Variants in CFAP54 observed in about 807,000 individuals in gnomAD.
CFAP54 encodes the protein cilia and flagella associated protein 54.
Under a neutral mutation model 370.4 loss-of-function variants are expected in CFAP54, and 290 were observed. That is an observed-to-expected ratio of 0.78 (90% CI 0.71 to 0.86). The LOEUF is 0.86. Ranked by LOEUF, CFAP54 falls within the 40% of genes least tolerant of loss-of-function variation. CFAP54 has a pLI of 0.00. For synonymous variants in CFAP54, 1,206 were observed against 1,236.5 expected (o/e 0.98, Z 0.52); for missense variants, 3,399 against 3,528.7 (o/e 0.96, Z 0.93).
At chr12:96,724,864 G>A (rs941101657) in intron 50 of CFAP54, among the ~76,000 whole-genome samples, 10 of 152,166 alleles carry the variant, frequency 6.6e-5, no homozygotes, top group Non-Finnish European at 1.5e-4. Context: ...AAGGTGTAAG[G>A]AAGGGATCCA....
chr12:96,513,279 G>A (rs966558434), intron 5 of CFAP54, among the ~76,000 whole-genome samples: 7 of 152,172 alleles, frequency 4.6e-5, no homozygotes, highest in Non-Finnish European at 8.8e-5. Flanking sequence ...GAAAATGTTA[G>A]TATTCTCTGT....
intron 26 of CFAP54, among the ~76,000 whole-genome samples, chr12:96,616,279 A>G (rs895501179): frequency 6.6e-6 from 1 of 152,026 alleles, no homozygotes; most frequent in Non-Finnish European, 1.5e-5. Flanking sequence ...ACCAAACACC[A>G]CATATTCTCA....
At chr12:96,621,224 AGTG>A (rs1388675367) in intron 26 of CFAP54, among the ~76,000 whole-genome samples, 1 of 152,224 alleles carries the variant, frequency 6.6e-6, no homozygotes, top group Non-Finnish European at 1.5e-5. Context: ...CAAGATAAGA[AGTG>A]GTGGTGATGT....
At chr12:96,731,961 A>T (rs7969797) in intron 50 of CFAP54, among the ~76,000 whole-genome samples, 57,197 of 151,856 alleles carry the variant, frequency 0.38, 11,854 homozygotes, top group East Asian at 0.68. Flanking sequence ...TTAAAACAGT[A>T]ATTTGAAGCA....
chr12:96,875,144 A>G lies in CFAP54; in HGVS notation c.*41A>G, dbSNP rs1409172065. On this transcript the variant is annotated 3_prime_UTR_variant, in exon 68 of 68. Coordinates refer to ENST00000524981, the MANE Select transcript of CFAP54 (RefSeq NM_001306084.2). ...GATGATAAAACTGAGAAATAAATCA[A>G]GAGTATGACAACAGACTGAGGAATT... The G allele has an allele frequency of 2.6e-5, 4 of 152,216 alleles. No homozygotes were observed. The highest frequency in any genetic ancestry group is 4.4e-5 in the Non-Finnish European group (3 of 68,042). 9.4% of individuals were successfully genotyped at this position (152,216 alleles called of 1,614,324 possible).
intron 50 of CFAP54, among the ~76,000 whole-genome samples, chr12:96,728,727 T>C (rs10860078): frequency 0.38 from 57,323 of 151,964 alleles, 11,940 homozygotes; most frequent in East Asian, 0.68. Flanking sequence ...TGAGTAACTG[T>C]GTTCCTTTGG....
intron 66 of CFAP54, among the ~76,000 whole-genome samples, chr12:96,859,432 G>A (rs996986954): frequency 4.8e-5 from 7 of 147,000 alleles, no homozygotes; most frequent in Non-Finnish European, 6.0e-5. Flanking sequence ...TTTTTTTTTT[G>A]AGATGGAGTT....
chr12:96,778,450 A>G (rs1351934219), intron 60 of CFAP54, among the ~76,000 whole-genome samples: 1 of 152,180 alleles, frequency 6.6e-6, no homozygotes, highest in Non-Finnish European at 1.5e-5. Context: ...CTTCAACTTG[A>G]CTGGCACTAT....
At chr12:96,542,416 T>G (rs1016211735) in intron 14 of CFAP54, among the ~76,000 whole-genome samples, 2 of 152,246 alleles carry the variant, frequency 1.3e-5, no homozygotes, top group Non-Finnish European at 2.9e-5. Context: ...TTCATTGGCC[T>G]CAGGTTATAT....
At position 96,765,040 on chromosome 12, in the gene CFAP54, C is replaced by T. The variant is rs780861919; in HGVS notation, c.8140-37C>T. On this transcript the variant is annotated intron_variant, in intron 59 of 67. Coordinates refer to ENST00000524981, the MANE Select transcript of CFAP54 (RefSeq NM_001306084.2). ...AATAGATAATCTATGAATTAGAAAG[C>T]TTATATTTATAATTCTAATTTATGC... The T allele has an allele frequency of 5.2e-6, 7 of 1,336,928 alleles. No individual in the cohort carries two copies. The South Asian group carries it at 1.6e-4, about 31-fold the overall frequency. 82.8% of individuals were successfully genotyped at this position (1,336,928 alleles called of 1,614,324 possible). A position where few individuals can be genotyped will look rare whatever the true frequency, so the allele number is the denominator to read the frequency against.
intron 8 of CFAP54, among the ~76,000 whole-genome samples, chr12:96,524,974 C>A (rs1269402646): frequency 6.6e-6 from 1 of 150,732 alleles, no homozygotes; most frequent in African/African-American, 2.4e-5. Context: ...TTTTTTCTTT[C>A]TTTTATTTTC....
chr12:96,506,820 C>T (rs1955106709), intron 3 of CFAP54, 108 bp from the exon 4 acceptor site: 1 of 873,814 alleles, frequency 1.1e-6, no homozygotes, highest in South Asian at 2.0e-5. Context: ...CTCCTGACCT[C>T]AGGTGATTTG....
intron 64 of CFAP54, among the ~76,000 whole-genome samples, chr12:96,817,452 G>A (rs753982377): frequency 3.5e-5 from 5 of 144,858 alleles, no homozygotes; most frequent in Admixed American, 1.4e-4. Context: ...TTTCTGTCTC[G>A]CTCTGTCGCC....
intron 32 of CFAP54, among the ~76,000 whole-genome samples, chr12:96,642,134 A>T (rs1956737730): frequency 6.6e-6 from 1 of 152,060 alleles, no homozygotes; most frequent in Admixed American, 6.6e-5. Context: ...TTCTTTATCA[A>T]ATTAACATTA....
intron 40 of CFAP54, 116 bp downstream of exon 40, chr12:96,679,868 T>C (rs1445688091): frequency 1.0e-6 from 1 of 995,764 alleles, no homozygotes. Flanking sequence ...CACTCCCTGA[T>C]GCCTTTCACT....
At chr12:96,693,883 G>A (rs1957413914) in intron 45 of CFAP54, 75 bp downstream of exon 45, 3 of 917,854 alleles carry the variant, frequency 3.3e-6, no homozygotes. Context: ...TTTGATTCTA[G>A]GACTTATAAT....
chr12:96,542,908 C>A (rs747649779), intron 14 of CFAP54, among the ~76,000 whole-genome samples: 1 of 152,158 alleles, frequency 6.6e-6, no homozygotes, highest in Non-Finnish European at 1.5e-5. Flanking sequence ...CCTTTCAAGA[C>A]GTTTATCTTT....
chr12:96,847,544 A>G (rs528757907), intron 66 of CFAP54, among the ~76,000 whole-genome samples: 2 of 152,356 alleles, frequency 1.3e-5, no homozygotes, highest in East Asian at 3.9e-4. Context: ...GGAACCCAGG[A>G]CAAAGACCAA....
intron 32 of CFAP54, among the ~76,000 whole-genome samples, chr12:96,639,802 C>T (rs896063074): frequency 5.9e-5 from 9 of 152,140 alleles, no homozygotes; most frequent in Non-Finnish European, 1.3e-4. Flanking sequence ...TGTAATCCAG[C>T]ATATAAACAG....
Sources: gnomAD v4.1 joint callset for allele counts (sites outside exome capture counted in the v4.1 genomes callset) on GRCh38, gnomAD v4.1.1 for gene constraint, MANE v1.5 for transcripts, NCBI Gene and HGNC (gene_info 2026-07-23, HGNC 2026-07-21) for gene names.